The following PRKCB variants were observed in gnomAD, a reference collection of about 807,000 sequenced individuals.
PRKCB encodes the protein protein kinase C beta type.
In PRKCB, 13 loss-of-function variants were observed where a neutral mutation model predicts 81.5. That is an observed-to-expected ratio of 0.16 (90% CI 0.10 to 0.25). PRKCB has a LOEUF of 0.25. Among genes scored for constraint, PRKCB ranks in the 10% least tolerant of loss-of-function variants. The pLI is 1.00. For synonymous variants in PRKCB, 335 were observed against 321.4 expected, an observed-to-expected ratio of 1.04 and a Z score of -0.45; for missense variants, 509 against 875.7, an observed-to-expected ratio of 0.58 and a Z score of 5.29.
rs796826623 is a variant in PRKCB at position 23,955,372 on chromosome 16, C to T, written c.206-33136C>T. Among the ~76,000 whole-genome samples, 7 of 152,196 alleles carry T rather than the reference C, an allele frequency of 4.6e-5. No homozygotes were observed. The South Asian group carries it at 8.3e-4, about 18-fold the overall frequency. ...CTCACTTTTCCGACAGTTCTTTCTT[C>T]GGTGGACTGTACCCATGCCCCTGTG... is the stretch of plus-strand genomic sequence containing the variant. On this transcript the variant is annotated intron_variant, in intron 2 of 16. Transcript: ENST00000643927.
At chr16:23,865,921 C>T (rs1217907608) in intron 2 of PRKCB, among the ~76,000 whole-genome samples, 1 of 152,068 alleles carries the variant, frequency 6.6e-6, no homozygotes, top group African/African-American at 2.4e-5. Flanking sequence ...TCTCCATCCT[C>T]CTCTTCTGGA....
intron 2 of PRKCB, among the ~76,000 whole-genome samples, chr16:23,959,240 A>G (rs1219737172): frequency 6.6e-6 from 1 of 152,206 alleles, no homozygotes; most frequent in Non-Finnish European, 1.5e-5. Flanking sequence ...GCCGAGCTGT[A>G]TATCAGAGGT....
At chr16:23,882,021 T>TTCTTCCTTC (rs1555481692) in intron 2 of PRKCB, among the ~76,000 whole-genome samples, 1 of 55,592 alleles carries the variant, frequency 1.8e-5, no homozygotes, top group African/African-American at 5.9e-5. Flanking sequence ...TTTCTTTCTT[T>TTCTTCCTTC]CTTCCTTCCT....
At chr16:24,142,268 A>G (rs1436551678) in intron 9 of PRKCB, among the ~76,000 whole-genome samples, 1 of 152,222 alleles carries the variant, frequency 6.6e-6, no homozygotes, top group Non-Finnish European at 1.5e-5. Flanking sequence ...CCAGATCATC[A>G]GACTCTGTCG....
intron 5 of PRKCB, among the ~76,000 whole-genome samples, chr16:24,078,134 G>A (rs777286699): frequency 6.6e-6 from 1 of 152,220 alleles, no homozygotes; most frequent in Admixed American, 6.5e-5. Context: ...GCCAAGCAGC[G>A]ACTCTGCAGC....
chr16:24,199,305 G>C (rs1182823512), intron 16 of PRKCB, among the ~76,000 whole-genome samples: 1 of 152,192 alleles, frequency 6.6e-6, no homozygotes, highest in Non-Finnish European at 1.5e-5. Flanking sequence ...GAGGTCAAAA[G>C]CTTCAAGTAC....
chr16:24,201,908 C>T (rs1967963261), intron 16 of PRKCB, among the ~76,000 whole-genome samples: 1 of 151,954 alleles, frequency 6.6e-6, no homozygotes. Flanking sequence ...CGGTGGCGGG[C>T]ACCTGTAGTC....
chr16:23,850,630 G>A (rs1371652456), intron 2 of PRKCB, among the ~76,000 whole-genome samples: 2 of 152,168 alleles, frequency 1.3e-5, no homozygotes, highest in African/African-American at 2.4e-5. Context: ...CTTCCAAAGT[G>A]CTGGAATTAC....
chr16:24,114,644 A>T (rs1470417374), intron 8 of PRKCB, among the ~76,000 whole-genome samples: 1 of 152,178 alleles, frequency 6.6e-6, no homozygotes, highest in African/African-American at 2.4e-5. Context: ...TTGAATACTT[A>T]CATTATATGT....
chr16:23,946,285 T>C (rs1964203099), intron 2 of PRKCB, among the ~76,000 whole-genome samples: 1 of 152,206 alleles, frequency 6.6e-6, no homozygotes, highest in African/African-American at 2.4e-5. Context: ...GGAGCTTCAT[T>C]CAGGGGCACC....
rs556022957 is a variant in PRKCB, at chr16:23,931,679, G to C, written c.206-56829G>C. ...TGTGCTACCGAGACGGGGAGGTCAG[G>C]TGGTCGTTCTGGGAGGGCTGGTGCC... is the stretch of plus-strand genomic sequence containing the variant. On this transcript the variant is annotated intron_variant, in intron 2 of 16. Transcript: ENST00000643927. Among the ~76,000 whole-genome samples the C allele has an allele frequency of 2.0e-5, 3 of 152,176 alleles. No homozygotes were observed. The South Asian group carries it at 6.3e-4, about 32-fold the overall frequency.
intron 9 of PRKCB, among the ~76,000 whole-genome samples, chr16:24,137,639 A>G (rs964006790): frequency 6.6e-6 from 1 of 152,238 alleles, no homozygotes; most frequent in African/African-American, 2.4e-5. Context: ...TTATTGTGCT[A>G]TCATGGTACC....
At chr16:23,954,794 G>A (rs980976580) in intron 2 of PRKCB, among the ~76,000 whole-genome samples, 2 of 152,214 alleles carry the variant, frequency 1.3e-5, no homozygotes, top group Admixed American at 6.5e-5. Flanking sequence ...GCTCATGCCT[G>A]TAATCCCAGC....
intron 3 of PRKCB, among the ~76,000 whole-genome samples, chr16:23,993,906 G>C (rs1262590787): frequency 6.6e-6 from 1 of 152,154 alleles, no homozygotes; most frequent in East Asian, 1.9e-4. Flanking sequence ...AAAATTCTAG[G>C]TGAAGTGAAC....
At chr16:24,114,425 C>T (rs1432806806) in intron 8 of PRKCB, among the ~76,000 whole-genome samples, 3 of 151,514 alleles carry the variant, frequency 2.0e-5, no homozygotes, top group Non-Finnish European at 4.4e-5. Context: ...CATGAAATAC[C>T]CTGGGGGTAG....
At chr16:23,898,762 G>A (rs1217245708) in intron 2 of PRKCB, among the ~76,000 whole-genome samples, 1 of 152,118 alleles carries the variant, frequency 6.6e-6, no homozygotes, top group Non-Finnish European at 1.5e-5. Context: ...ATAATAATAT[G>A]AGTAACAATG....
intron 2 of PRKCB, among the ~76,000 whole-genome samples, chr16:23,929,947 C>T (rs534027091): frequency 4.6e-5 from 7 of 151,902 alleles, no homozygotes; most frequent in South Asian, 4.2e-4. Context: ...ACTCTTCCCC[C>T]GGGACCCCCG....
intron 3 of PRKCB, among the ~76,000 whole-genome samples, chr16:23,994,160 A>T (rs550571197): frequency 6.6e-6 from 1 of 152,172 alleles, no homozygotes; most frequent in Non-Finnish European, 1.5e-5. Context: ...CCTTTTGGGG[A>T]CTACTGAACA....
intron 10 of PRKCB, among the ~76,000 whole-genome samples, chr16:24,160,903 G>A (rs921147414): frequency 9.9e-5 from 15 of 152,234 alleles, no homozygotes; most frequent in South Asian, 4.1e-4. Flanking sequence ...GAATGCCCGC[G>A]GCATGAGCAT....
Sources: allele counts gnomAD v4.1 joint callset (sites outside exome capture counted in the v4.1 genomes callset), GRCh38; gene constraint gnomAD v4.1.1; transcripts MANE v1.5; gene names NCBI Gene and HGNC (gene_info 2026-07-23, HGNC 2026-07-21).